The following RTTN variants were observed in gnomAD, a reference collection of about 807,000 sequenced individuals.
The protein encoded by RTTN is rotatin.
In RTTN, 182 loss-of-function variants were observed where a neutral mutation model predicts 269.2. The observed-to-expected ratio is 0.68, with a 90% CI of 0.60 to 0.76. The LOEUF is 0.76. Among genes scored for constraint, RTTN ranks in the 30% least tolerant of loss-of-function variants. The pLI, the probability that RTTN is intolerant of heterozygous loss-of-function variation, is 0.00. For missense variants in RTTN, 2,545 were observed against 2,608.6 expected, an observed-to-expected ratio of 0.98 and a Z score of 0.53; for synonymous variants, 1,006 against 963.5, an observed-to-expected ratio of 1.04 and a Z score of -0.82.
At chr18:70,042,536 T>C (rs1007502593) in intron 40 of RTTN, among the ~76,000 whole-genome samples, 3 of 152,038 alleles carry the variant, frequency 2.0e-5, no homozygotes, top group Non-Finnish European at 2.9e-5. Flanking sequence ...CCGCCATGTC[T>C]GGCTAATTTT....
chr18:70,044,766 G>A (rs151240781), intron 40 of RTTN, among the ~76,000 whole-genome samples: 2 of 152,222 alleles, frequency 1.3e-5, no homozygotes, highest in African/African-American at 4.8e-5. Flanking sequence ...GAATGGGCAC[G>A]TATCATATGC....
At chr18:70,026,281 T>C (rs1222828991) in intron 43 of RTTN, among the ~76,000 whole-genome samples, 2 of 152,208 alleles carry the variant, frequency 1.3e-5, no homozygotes, top group Admixed American at 6.5e-5. Context: ...TATTTGTCCC[T>C]GCCCAAATCT....
Position 70,073,906 on chromosome 18 carries a change from C to T in RTTN, c.4653G>A (p.Thr1551=), listed in dbSNP as rs143616624. The change falls in exon 34 of 49, where the codon ACG becomes ACA. Residue 1551 remains threonine, a splice_region_variant and synonymous_variant. Transcript: ENST00000640769. ...GGACTTATGCATTCTTTGCAAGTAC[C>T]GTTGTTTCTGAGGTGGAGAGAGAAC... ...DPSSLSTSET[T]VAPSLGSTEF... The T allele has an allele frequency of 6.2e-6, 10 of 1,607,026 alleles. No homozygotes were observed. Among genetic ancestry groups the T allele is most frequent in the Non-Finnish European group, 7.7e-6 (9 of 1,174,352 alleles).
chr18:70,103,877 C>G (rs1315273224), intron 28 of RTTN, among the ~76,000 whole-genome samples: 1 of 151,816 alleles, frequency 6.6e-6, no homozygotes, highest in Non-Finnish European at 1.5e-5. Flanking sequence ...TGACGGGCTT[C>G]CCTTTGCGTG....
intron 43 of RTTN, 133 bp downstream of exon 43, chr18:70,028,591 G>A: frequency 1.8e-6 from 1 of 555,848 alleles, no homozygotes; most frequent in Non-Finnish European, 3.2e-6. Context: ...CTGAGTTTAA[G>A]GACCAATCAA....
chr18:70,109,562 C>G lies in RTTN; in HGVS notation c.3839G>C (p.Ser1280Thr), dbSNP rs1399984287. 6.2e-7 allele frequency: 1 copy of G among 1,613,860 alleles called. No homozygotes were observed. The highest frequency in any genetic ancestry group is 8.5e-7 in the Non-Finnish European group (1 of 1,180,010). ...AGGCTTTGTGAGAGGAGAGTGTGAG[C>G]TCCATCCCGGAAACGCAGTGAGGTT... ...MANLTAFPGW[S>T]SHSPLTKPLD... is the part of the protein sequence containing the mutation. The change falls in exon 28 of 49, where the codon AGC becomes ACC. Residue 1280 changes from serine (S) to threonine (T), a missense_variant. By Grantham distance (58) the Ser-to-Thr change is moderately conservative (BLOSUM62 1). Coordinates refer to ENST00000640769, the MANE Select transcript of RTTN (RefSeq NM_173630.4).
chr18:70,064,305 TC>T (rs953679256), intron 35 of RTTN, among the ~76,000 whole-genome samples: 6 of 116,368 alleles, frequency 5.2e-5, no homozygotes, highest in African/African-American at 2.0e-4. Context: ...GCCACTGCAC[TC>T]CAGCCTGGGC....
chr18:70,156,973 C>G (rs1336239391), intron 14 of RTTN, among the ~76,000 whole-genome samples: 8 of 152,188 alleles, frequency 5.3e-5, no homozygotes. Flanking sequence ...AACACAGCCT[C>G]AGCTGCCCTG....
chr18:70,027,192 C>T (rs1196497850), intron 43 of RTTN, among the ~76,000 whole-genome samples: 1 of 152,192 alleles, frequency 6.6e-6, no homozygotes, highest in African/African-American at 2.4e-5. Context: ...AGCCACCATG[C>T]TCCTTCCAGT....
At chr18:70,083,385 G>C (rs1482356344) in intron 32 of RTTN, among the ~76,000 whole-genome samples, 1 of 152,182 alleles carries the variant, frequency 6.6e-6, no homozygotes, top group Non-Finnish European at 1.5e-5. Flanking sequence ...AGTCAAGACA[G>C]ATGGAGCACT....
intron 39 of RTTN, among the ~76,000 whole-genome samples, chr18:70,051,004 C>A (rs2057648853): frequency 6.6e-6 from 1 of 152,058 alleles, no homozygotes; most frequent in South Asian, 2.1e-4. Flanking sequence ...TTGATAGGTG[C>A]AGCAAACCAC....
chr18:70,065,680 C>A, intron 35 of RTTN, 149 bp downstream of exon 35: 1 of 442,060 alleles, frequency 2.3e-6, no homozygotes, highest in Non-Finnish European at 4.0e-6. Context: ...TTATTAATTT[C>A]TGATATATTG....
At chr18:70,017,304 G>T in intron 46 of RTTN, 103 bp downstream of exon 46, 2 of 1,124,030 alleles carry the variant, frequency 1.8e-6, no homozygotes, top group Non-Finnish European at 2.5e-6. Context: ...CACAGTGGGT[G>T]CTTAATAAAT....
chr18:70,174,842 G>A (rs2365901), intron 11 of RTTN, among the ~76,000 whole-genome samples: 108,801 of 150,352 alleles, frequency 0.72, 46,229 homozygotes, highest in East Asian at 1. Flanking sequence ...CAAACATGGC[G>A]AAATCTGGTC....
intron 11 of RTTN, among the ~76,000 whole-genome samples, chr18:70,173,529 T>C (rs1305434584): frequency 6.7e-6 from 1 of 149,996 alleles, no homozygotes; most frequent in Non-Finnish European, 1.5e-5. Context: ...GAGTTTGGAC[T>C]ATATGCTCTA....
intron 39 of RTTN, among the ~76,000 whole-genome samples, chr18:70,050,675 A>G (rs1193368126): frequency 6.6e-6 from 1 of 152,210 alleles, no homozygotes; most frequent in South Asian, 2.1e-4. Flanking sequence ...AACCAACCCA[A>G]TGCCCATCAA....
chr18:70,124,978 T>C (rs2059828050), intron 25 of RTTN, among the ~76,000 whole-genome samples: 1 of 152,094 alleles, frequency 6.6e-6, no homozygotes, highest in Non-Finnish European at 1.5e-5. Flanking sequence ...TGACAACTTG[T>C]AATCCTACTA....
intron 48 of RTTN, 102 bp from the exon 49 acceptor site, chr18:70,004,338 T>C (rs1393226647): frequency 7.5e-6 from 5 of 670,118 alleles, no homozygotes; most frequent in African/African-American, 7.3e-5. Context: ...AGGATTTATA[T>C]ATAATTTAAA....
At chr18:70,078,787 C>T (rs1239372997) in intron 32 of RTTN, among the ~76,000 whole-genome samples, 1 of 151,890 alleles carries the variant, frequency 6.6e-6, no homozygotes, top group Non-Finnish European at 1.5e-5. Context: ...ATAATCAACG[C>T]TCACAAAGCA....
Sources: gnomAD v4.1 joint callset for allele counts (sites outside exome capture counted in the v4.1 genomes callset) on GRCh38, gnomAD v4.1.1 for gene constraint, MANE v1.5 for transcripts, NCBI Gene and HGNC (gene_info 2026-07-23, HGNC 2026-07-21) for gene names.